The following TBC1D32 variants were observed in gnomAD, a reference collection of about 807,000 sequenced individuals.
The protein encoded by TBC1D32 is protein broad-minded.
TBC1D32 carries 151 observed loss-of-function variants against 170.3 expected under a neutral mutation model. The ratio of observed to expected loss-of-function variants is 0.89; its 90% confidence interval spans 0.78 to 1.01. The LOEUF (loss-of-function observed/expected upper bound fraction) is 1.01, where lower values mean the gene tolerates loss of function less well. Ranked by LOEUF, TBC1D32 falls within the 50% of genes least tolerant of loss-of-function variation. TBC1D32 has a pLI of 0.00. For missense variants in TBC1D32, 1,464 were observed against 1,457.1 expected, an observed-to-expected ratio of 1.00 and a Z score of -0.08; for synonymous variants, 498 against 488.0, an observed-to-expected ratio of 1.02 and a Z score of -0.27.
intron 22 of TBC1D32, among the ~76,000 whole-genome samples, chr6:121,201,283 A>C (rs916043475): frequency 1.3e-5 from 2 of 151,480 alleles, no homozygotes; most frequent in African/African-American, 4.9e-5. Flanking sequence ...CACTTCACAT[A>C]TTAGGTAACT....
intron 29 of TBC1D32, among the ~76,000 whole-genome samples, chr6:121,106,952 C>A (rs1435191512): frequency 6.6e-6 from 1 of 151,604 alleles, no homozygotes; most frequent in Non-Finnish European, 1.5e-5. Context: ...CCAACATATA[C>A]CCATAATAAT....
intron 15 of TBC1D32, among the ~76,000 whole-genome samples, chr6:121,258,459 G>C (rs1340351280): frequency 7.3e-6 from 1 of 136,962 alleles, no homozygotes; most frequent in Admixed American, 7.3e-5. Flanking sequence ...TTTGTTTTTT[G>C]TTTTACATTT....
chr6:121,247,890 T>G (rs1797829192), intron 17 of TBC1D32, among the ~76,000 whole-genome samples: 1 of 151,968 alleles, frequency 6.6e-6, no homozygotes, highest in African/African-American at 2.4e-5. Context: ...AATACTCCAC[T>G]GACAGCACTA....
intron 26 of TBC1D32, among the ~76,000 whole-genome samples, chr6:121,125,911 T>C (rs534452327): frequency 6.6e-6 from 1 of 152,164 alleles, no homozygotes; most frequent in Non-Finnish European, 1.5e-5. Flanking sequence ...CAAATGCATG[T>C]ATCTTTTGTG....
chr6:121,110,264 T>C, intron 29 of TBC1D32, among the ~76,000 whole-genome samples: 1 of 144,954 alleles, frequency 6.9e-6, no homozygotes, highest in African/African-American at 2.6e-5. Flanking sequence ...AAAAAAAAAA[T>C]TTTATATATA....
intron 5 of TBC1D32, among the ~76,000 whole-genome samples, chr6:121,305,088 G>A (rs1012267696): frequency 3.9e-5 from 6 of 152,080 alleles, no homozygotes; most frequent in Non-Finnish European, 4.4e-5. Flanking sequence ...TACTGACATG[G>A]TGAGGAGGGG....
chr6:121,307,995 T>C lies in TBC1D32; in HGVS notation c.671A>G (p.Asp224Gly), dbSNP rs989272125. 4 of 1,613,630 alleles carry C rather than the reference T, an allele frequency of 2.5e-6. No individual in the cohort carries two copies. In the Admixed American group the frequency reaches 5.0e-5, roughly 20 times the overall value. The change falls in exon 5 of 32, where the codon GAT becomes GGT. Residue 224 changes from aspartate (D) to glycine (G), a missense_variant. Asp to Gly is a moderately conservative substitution (Grantham distance 94). Coordinates refer to ENST00000398212, the MANE Select transcript of TBC1D32 (RefSeq NM_152730.6). Reference protein sequence around the residue: ...LCEKLTVSLSDPDPVFSDRIL... With the variant: ...LCEKLTVSLSGPDPVFSDRIL... ...TCTTACACTAAACACAGGATCAGGA[T>C]CTGAAAGAGACACGGTCAGTTTTTC... is the stretch of plus-strand genomic sequence containing the variant.
At chr6:121,130,325 T>C (rs532418589) in intron 25 of TBC1D32, among the ~76,000 whole-genome samples, 3 of 152,036 alleles carry the variant, frequency 2.0e-5, no homozygotes, top group Admixed American at 1.3e-4. Context: ...CTACTAAAAA[T>C]ACAAAAATTA....
chr6:121,308,594 T>C (rs1020083266), intron 4 of TBC1D32, among the ~76,000 whole-genome samples: 1 of 151,830 alleles, frequency 6.6e-6, no homozygotes, highest in Non-Finnish European at 1.5e-5. Flanking sequence ...CCATATTTTC[T>C]GGCCTTCTGA....
intron 20 of TBC1D32, among the ~76,000 whole-genome samples, chr6:121,236,161 T>G (rs9482125): frequency 0.047 from 7,139 of 151,264 alleles, 506 homozygotes; most frequent in African/African-American, 0.14. Flanking sequence ...AATTTATGTA[T>G]GAGCTATACC....
chr6:121,236,231 A>G (rs893134473), intron 20 of TBC1D32, among the ~76,000 whole-genome samples: 12 of 151,878 alleles, frequency 7.9e-5, no homozygotes, highest in Non-Finnish European at 1.3e-4. Flanking sequence ...ACTTTCTGTA[A>G]TGATAGAAAT....
At chr6:121,268,530 C>A (rs114354843) in intron 15 of TBC1D32, among the ~76,000 whole-genome samples, 4,993 of 152,088 alleles carry the variant, frequency 0.033, 197 homozygotes, top group East Asian at 0.12. Flanking sequence ...AGATCAAATG[C>A]ATGAAATTAC....
chr6:121,304,007 A>G (rs530615707), intron 8 of TBC1D32, among the ~76,000 whole-genome samples: 7 of 152,138 alleles, frequency 4.6e-5, no homozygotes, highest in African/African-American at 1.7e-4. Context: ...TATAAATTTT[A>G]GAGCTGAAAG....
chr6:121,160,139 G>C (rs1437581743), intron 23 of TBC1D32, 36 bp from the exon 24 acceptor site: 2 of 1,270,066 alleles, frequency 1.6e-6, no homozygotes, highest in Admixed American at 3.8e-5. Flanking sequence ...TTTAGGAAGT[G>C]GTCTAAAATA....
At chr6:121,291,853 A>C (rs941329132) in intron 12 of TBC1D32, among the ~76,000 whole-genome samples, 200 bp downstream of exon 12, 2 of 152,122 alleles carry the variant, frequency 1.3e-5, no homozygotes, top group Non-Finnish European at 2.9e-5. Flanking sequence ...TAATAATAAA[A>C]AAAAAATACA....
intron 24 of TBC1D32, among the ~76,000 whole-genome samples, chr6:121,148,046 T>C (rs1783706082): frequency 6.6e-6 from 1 of 152,090 alleles, no homozygotes; most frequent in Admixed American, 6.6e-5. Flanking sequence ...GCAGGTTTGT[T>C]ACATAGGTAT....
intron 4 of TBC1D32, among the ~76,000 whole-genome samples, chr6:121,308,686 C>CTTTTTT (rs67847088): frequency 0.19 from 20,581 of 108,126 alleles, 2,742 homozygotes; most frequent in East Asian, 0.42. Context: ...AAGCTTACTT[C>CTTTTTT]TTTTTTTTTT....
At chr6:121,182,013 A>G (rs971120517) in intron 22 of TBC1D32, among the ~76,000 whole-genome samples, 6 of 152,102 alleles carry the variant, frequency 3.9e-5, no homozygotes, top group Admixed American at 3.9e-4. Flanking sequence ...AATATCACAC[A>G]TATCCCCAAA....
chr6:121,321,929 T>C, intron 1 of TBC1D32, 135 bp from the exon 2 acceptor site: 1 of 840,608 alleles, frequency 1.2e-6, no homozygotes, highest in Non-Finnish European at 1.7e-6. Context: ...TCACAAATCA[T>C]CAAGCTAATC....
Sources: allele counts gnomAD v4.1 joint callset (sites outside exome capture counted in the v4.1 genomes callset), GRCh38; gene constraint gnomAD v4.1.1; transcripts MANE v1.5; gene names NCBI Gene and HGNC (gene_info 2026-07-23, HGNC 2026-07-21).